SLC22A23: variants seen among roughly 807,000 people sequenced by gnomAD.
SLC22A23 encodes the protein ion transporter protein.
A neutral mutation model predicts 61.0 loss-of-function variants in SLC22A23; 26 were observed. That is an observed-to-expected ratio of 0.43 (90% CI 0.31 to 0.59). The LOEUF is 0.59. SLC22A23 is among the 20% of genes least tolerant of loss of function. The pLI is 0.11. For synonymous variants in SLC22A23, 430 were observed against 413.9 expected (o/e 1.04, Z -0.47); for missense variants, 796 against 934.7 (o/e 0.85, Z 1.94).
At chr6:3,315,185 A>G (rs1762569533) in intron 4 of SLC22A23, among the ~76,000 whole-genome samples, 1 of 151,520 alleles carries the variant, frequency 6.6e-6, no homozygotes, top group Non-Finnish European at 1.5e-5. Context: ...AAAACTGCAC[A>G]CACTCACTTC....
intron 4 of SLC22A23, among the ~76,000 whole-genome samples, chr6:3,307,506 A>C (rs1762065534): frequency 6.6e-6 from 1 of 152,246 alleles, no homozygotes; most frequent in Non-Finnish European, 1.5e-5. Context: ...CAGTGCCTTT[A>C]GCCTTCACTT....
rs1321781318 is a variant in SLC22A23, at chr6:3,352,106, T to C, written c.914-28104A>G. On this transcript the variant is annotated intron_variant, in intron 3 of 9. Transcript: ENST00000406686. ...GAGTGCTGAGAGGTGGCAGAGGCCATGGCAAAACCAGGCCCACCAGGACCA... is the reference window on the plus strand; with the variant it reads ...GAGTGCTGAGAGGTGGCAGAGGCCACGGCAAAACCAGGCCCACCAGGACCA... Among the ~76,000 whole-genome samples, 3 of 152,066 alleles carry C rather than the reference T, an allele frequency of 2.0e-5. No homozygotes were observed. The East Asian group carries it at 5.8e-4, about 30-fold the overall frequency.
At chr6:3,277,415 A>G (rs555728861) in intron 9 of SLC22A23, among the ~76,000 whole-genome samples, 1 of 149,124 alleles carries the variant, frequency 6.7e-6, no homozygotes, top group South Asian at 2.2e-4. Context: ...CTAGGAATCC[A>G]GCCTCACCTC....
At chr6:3,275,732 G>A (rs771498165) in intron 9 of SLC22A23, among the ~76,000 whole-genome samples, 3 of 152,168 alleles carry the variant, frequency 2.0e-5, no homozygotes, top group Non-Finnish European at 4.4e-5. Flanking sequence ...ATAGGCGCGT[G>A]CCACCATGCC....
intron 2 of SLC22A23, among the ~76,000 whole-genome samples, chr6:3,411,643 T>A (rs1319167089): frequency 1.3e-5 from 2 of 151,032 alleles, no homozygotes; most frequent in Non-Finnish European, 3.0e-5. Flanking sequence ...AAAAAAAAAA[T>A]TAAGGCATGG....
At chr6:3,294,499 T>C (rs1439636562) in intron 5 of SLC22A23, among the ~76,000 whole-genome samples, 1 of 152,124 alleles carries the variant, frequency 6.6e-6, no homozygotes, top group Non-Finnish European at 1.5e-5. Context: ...CCAAAACACT[T>C]CTGGTCCCGA....
chr6:3,300,113 C>T (rs1360688104), intron 4 of SLC22A23, among the ~76,000 whole-genome samples: 2 of 144,482 alleles, frequency 1.4e-5, no homozygotes, highest in Non-Finnish European at 3.0e-5. Context: ...TGGGTTCAAG[C>T]GATTCTCCTG....
chr6:3,392,521 G>A, intron 3 of SLC22A23, among the ~76,000 whole-genome samples: 1 of 152,204 alleles, frequency 6.6e-6, no homozygotes, highest in Non-Finnish European at 1.5e-5. Context: ...GGTCTGAACA[G>A]GAAGCAAGAA....
chr6:3,349,930 G>A (rs530143486), intron 3 of SLC22A23, among the ~76,000 whole-genome samples: 2 of 152,224 alleles, frequency 1.3e-5, no homozygotes, highest in Non-Finnish European at 2.9e-5. Context: ...GATACACGAA[G>A]GCAGATGATC....
intron 1 of SLC22A23, among the ~76,000 whole-genome samples, chr6:3,449,342 A>G (rs1276601937): frequency 6.6e-6 from 1 of 152,250 alleles, no homozygotes; most frequent in Non-Finnish European, 1.5e-5. Context: ...ATACGTTTCT[A>G]CATAACAAAA....
At chr6:3,279,339 C>T (rs996110900) in intron 9 of SLC22A23, among the ~76,000 whole-genome samples, 3 of 150,728 alleles carry the variant, frequency 2.0e-5, no homozygotes, top group Admixed American at 6.6e-5. Context: ...GGTGAAACCC[C>T]GTCTCTACTA....
At chr6:3,452,163 A>G (rs1192202340) in intron 1 of SLC22A23, among the ~76,000 whole-genome samples, 2 of 152,176 alleles carry the variant, frequency 1.3e-5, no homozygotes, top group Admixed American at 1.3e-4. Flanking sequence ...TCCACTTTCA[A>G]TATTTCCAAC....
intron 3 of SLC22A23, among the ~76,000 whole-genome samples, chr6:3,375,481 CAGTGAGCTTT>C (rs1362456764): frequency 6.6e-6 from 1 of 152,242 alleles, no homozygotes; most frequent in Non-Finnish European, 1.5e-5. Flanking sequence ...TGGTGCACTA[CAGTGAGCTTT>C]ATTGCCAGAA....
intron 9 of SLC22A23, 84 bp from the exon 10 acceptor site, chr6:3,273,496 A>G (rs1758620039): frequency 2.7e-6 from 4 of 1,477,732 alleles, no homozygotes; most frequent in East Asian, 2.3e-5. Context: ...CCAGGAAGCC[A>G]CCTCTGCAGG....
chr6:3,359,477 C>T (rs953270758), intron 3 of SLC22A23, among the ~76,000 whole-genome samples: 2 of 152,144 alleles, frequency 1.3e-5, no homozygotes, highest in Non-Finnish European at 2.9e-5. Context: ...TACATCACAG[C>T]GACAATGTGG....
chr6:3,284,079 T>C (rs35316373), intron 8 of SLC22A23, 104 bp from the exon 9 acceptor site: 2 of 1,231,840 alleles, frequency 1.6e-6, no homozygotes, highest in Admixed American at 5.0e-5. Flanking sequence ...AGTGTCCAGC[T>C]TGCGGCATGG....
Position 3,309,907 on chromosome 6 carries a change from G to A in SLC22A23, c.1083-11689C>T, listed in dbSNP as rs1384536484. Reference sequence around the variant, plus strand: ...CCTGCCTGGGGCTTCATGAATGGCAGAGGCAGGCCTGGAACCTGGGACTTA... The same window carrying A: ...CCTGCCTGGGGCTTCATGAATGGCAAAGGCAGGCCTGGAACCTGGGACTTA... On this transcript the variant is annotated intron_variant, in intron 4 of 9. Transcript: ENST00000406686. The surrounding 1 kb of genome is among the most constrained non-coding windows in gnomAD (Gnocchi z 4.7). Among the ~76,000 whole-genome samples, 1 of 152,236 alleles carries A rather than the reference G, an allele frequency of 6.6e-6. No homozygotes were observed. The highest frequency in any genetic ancestry group is 2.4e-5 in the African/African-American group (1 of 41,452).
intron 3 of SLC22A23, among the ~76,000 whole-genome samples, chr6:3,385,419 G>A (rs1476992961): frequency 6.6e-6 from 1 of 152,174 alleles, no homozygotes; most frequent in Non-Finnish European, 1.5e-5. Flanking sequence ...GGGAGTCTGA[G>A]GCACAAGAAG....
At chr6:3,396,515 C>T (rs1429304267) in intron 3 of SLC22A23, among the ~76,000 whole-genome samples, 1 of 152,198 alleles carries the variant, frequency 6.6e-6, no homozygotes, top group East Asian at 1.9e-4. Context: ...CGCCACTGCA[C>T]TCCAGCCTGG....
Sources: gnomAD v4.1 joint callset for allele counts (sites outside exome capture counted in the v4.1 genomes callset) on GRCh38, gnomAD v4.1.1 for gene constraint, Gnocchi (gnomAD v3.1) non-coding constraint, MANE v1.5 for transcripts, NCBI Gene and HGNC (gene_info 2026-07-23, HGNC 2026-07-21) for gene names.